Variants in SNX29 observed in about 807,000 individuals in gnomAD.
SNX29 encodes sorting nexin-29.
In SNX29, 78 loss-of-function variants were observed where a neutral mutation model predicts 102.1. The observed-to-expected ratio is 0.76, with a 90% CI of 0.64 to 0.92. The LOEUF is 0.92. SNX29 is among the 40% of genes least tolerant of loss of function. SNX29 has a pLI of 0.00. For synonymous variants in SNX29, 580 were observed against 414.5 expected (o/e 1.40, Z -4.85); for missense variants, 1,280 against 1,061.7 (o/e 1.21, Z -2.86).
At chr16:12,550,410 C>A (rs967146259) in intron 20 of SNX29, among the ~76,000 whole-genome samples, 10 of 151,964 alleles carry the variant, frequency 6.6e-5, no homozygotes, top group African/African-American at 2.4e-4. Context: ...TGGTGCACGC[C>A]TGTACTCCCA....
In SNX29 at chr16:12,052,207, C is replaced by G. The variant is rs758874795; in HGVS notation, c.1109C>G (p.Ser370Trp). ...TCAGGAAGGAAGCACAGGGGCCACTCGGAGTCGCCCGAGAAGTAAGTTTGT... is the reference window on the plus strand; with the variant it reads ...TCAGGAAGGAAGCACAGGGGCCACTGGGAGTCGCCCGAGAAGTAAGTTTGT... The part of the protein sequence containing the change: ...NSSGRKHRGH[S>W]ESPEKPLEGN... Residue 370 changes from serine to tryptophan, a missense_variant, in exon 8 of 21, where the codon TCG (serine) becomes TGG (tryptophan). Physicochemically the swap from Ser to Trp is radical, Grantham distance 177 (BLOSUM62 -3). Transcript: ENST00000566228. 1 of 1,613,822 alleles carries G rather than the reference C, an allele frequency of 6.2e-7. No homozygotes were observed. The highest frequency in any genetic ancestry group is 1.7e-5 in the Admixed American group (1 of 60,008).
chr16:12,361,471 TTAA>T (rs1344250103), intron 16 of SNX29, among the ~76,000 whole-genome samples: 1 of 152,256 alleles, frequency 6.6e-6, no homozygotes, highest in Non-Finnish European at 1.5e-5. Flanking sequence ...CTAATATTTA[TTAA>T]TTGATATCAG....
At position 12,261,311 on chromosome 16, in the gene SNX29, G is replaced by A. The variant is rs567833331; in HGVS notation, c.1679-16622G>A. On this transcript the variant is annotated intron_variant, in intron 14 of 20. Coordinates refer to ENST00000566228, the MANE Select transcript of SNX29 (RefSeq NM_032167.5). ...GTCTGTGCGCGCGTCCCCGGCTGGAGTAAGTGTTTGCTCTGAGCTCCGGTC... is the reference window on the plus strand; with the variant it reads ...GTCTGTGCGCGCGTCCCCGGCTGGAATAAGTGTTTGCTCTGAGCTCCGGTC... Among the ~76,000 whole-genome samples the A allele has an allele frequency of 5.8e-4, 83 of 143,288 alleles. 4 individuals carry two copies. In the South Asian group the frequency reaches 0.017, roughly 29 times the overall value. The allele number at this position is 143,288 out of a possible 152,430, so 94.0% of individuals were successfully genotyped here.
intron 15 of SNX29, among the ~76,000 whole-genome samples, chr16:12,325,540 C>T (rs529306811): frequency 4.6e-5 from 7 of 152,284 alleles, no homozygotes; most frequent in Admixed American, 1.3e-4. Flanking sequence ...TTTAGACTTG[C>T]TCTTCCAACC....
At chr16:12,428,564 C>A (rs1314488451) in intron 18 of SNX29, among the ~76,000 whole-genome samples, 1 of 152,170 alleles carries the variant, frequency 6.6e-6, no homozygotes, top group Non-Finnish European at 1.5e-5. Flanking sequence ...GATATGATTG[C>A]AATTAATATC....
At chr16:12,429,639 T>C (rs1363530047) in intron 18 of SNX29, among the ~76,000 whole-genome samples, 7 of 152,260 alleles carry the variant, frequency 4.6e-5, no homozygotes, top group South Asian at 2.1e-4. Context: ...AAACCATCTC[T>C]TGCGGTGCAC....
intron 11 of SNX29, among the ~76,000 whole-genome samples, chr16:12,086,097 G>A (rs1374778347): frequency 2.7e-5 from 4 of 149,526 alleles, no homozygotes; most frequent in African/African-American, 4.9e-5. Flanking sequence ...TCCGCCTCCC[G>A]GGCTCACGCC....
chr16:12,001,152 C>A (rs996120180), intron 2 of SNX29, among the ~76,000 whole-genome samples: 1 of 152,020 alleles, frequency 6.6e-6, no homozygotes, highest in African/African-American at 2.4e-5. Flanking sequence ...AGCTCTGTCG[C>A]CCGGGCTGGA....
intron 20 of SNX29, among the ~76,000 whole-genome samples, chr16:12,547,742 C>T (rs2077700190): frequency 6.6e-6 from 1 of 152,134 alleles, no homozygotes. Context: ...CCCCTCTAAG[C>T]CTCCTCCTGT....
intron 15 of SNX29, among the ~76,000 whole-genome samples, chr16:12,313,112 C>G (rs1441054405): frequency 4.6e-5 from 7 of 151,876 alleles, no homozygotes; most frequent in Admixed American, 4.6e-4. Flanking sequence ...CTCCTGGGGT[C>G]AAGTGATTCT....
intron 20 of SNX29, among the ~76,000 whole-genome samples, chr16:12,529,285 C>T (rs2076869182): frequency 1.3e-5 from 2 of 152,326 alleles, no homozygotes; most frequent in South Asian, 4.1e-4. Flanking sequence ...AGCCTCCCAA[C>T]ACCCACATCT....
At chr16:12,309,488 T>G (rs1383416296) in intron 15 of SNX29, among the ~76,000 whole-genome samples, 1 of 152,208 alleles carries the variant, frequency 6.6e-6, no homozygotes, top group African/African-American at 2.4e-5. Flanking sequence ...TCATTTTTCT[T>G]GGTAGCACCC....
intron 1 of SNX29, among the ~76,000 whole-genome samples, chr16:11,998,860 G>A (rs937048175): frequency 6.6e-6 from 1 of 152,242 alleles, no homozygotes; most frequent in Non-Finnish European, 1.5e-5. Flanking sequence ...AACAGCCAGT[G>A]AGCAGTTCCT....
At chr16:12,106,878 C>T (rs1318067010) in intron 11 of SNX29, among the ~76,000 whole-genome samples, 3 of 151,974 alleles carry the variant, frequency 2.0e-5, no homozygotes, top group Non-Finnish European at 4.4e-5. Context: ...TGCAGTGGCA[C>T]GATTATGGCT....
intron 18 of SNX29, among the ~76,000 whole-genome samples, chr16:12,457,879 G>A (rs1938933638): frequency 6.6e-6 from 1 of 152,212 alleles, no homozygotes; most frequent in Admixed American, 6.5e-5. Context: ...CAATTTGATT[G>A]CGTGGGGAGA....
At chr16:12,313,514 C>A (rs964464236) in intron 15 of SNX29, among the ~76,000 whole-genome samples, 2 of 152,232 alleles carry the variant, frequency 1.3e-5, no homozygotes, top group African/African-American at 4.8e-5. Context: ...ATGAGAAGTG[C>A]CCTTCCATGA....
At chr16:12,229,635 AAAATC>A (rs2077713036) in intron 14 of SNX29, among the ~76,000 whole-genome samples, 1 of 152,104 alleles carries the variant, frequency 6.6e-6, no homozygotes, top group Admixed American at 6.5e-5. Context: ...TGTTTAAAGA[AAAATC>A]AAGGAAGATA....
chr16:12,488,851 C>T (rs1368814932), intron 19 of SNX29, among the ~76,000 whole-genome samples: 2 of 152,278 alleles, frequency 1.3e-5, no homozygotes, highest in African/African-American at 2.4e-5. Context: ...CCAGAATTGG[C>T]CAGCTTGCCC....
intron 3 of SNX29, among the ~76,000 whole-genome samples, chr16:12,003,948 A>G (rs1367841233): frequency 6.6e-6 from 1 of 152,028 alleles, no homozygotes; most frequent in Non-Finnish European, 1.5e-5. Flanking sequence ...ATTTTGGGGA[A>G]AATTAAGGGT....
Sources: gnomAD v4.1 joint callset for allele counts (sites outside exome capture counted in the v4.1 genomes callset) on GRCh38, gnomAD v4.1.1 for gene constraint, MANE v1.5 for transcripts, NCBI Gene and HGNC (gene_info 2026-07-23, HGNC 2026-07-21) for gene names.